UNC5D: variants seen among roughly 807,000 people sequenced by gnomAD.
UNC5D encodes the protein netrin receptor UNC5D.
A neutral mutation model predicts 105.4 loss-of-function variants in UNC5D; 39 were observed. The observed-to-expected ratio is 0.37, with a 90% CI of 0.29 to 0.48. The LOEUF is 0.48. Ranked by LOEUF, UNC5D falls within the 20% of genes least tolerant of loss-of-function variation. The pLI is 0.98. For synonymous variants in UNC5D, 452 were observed against 450.4 expected, an observed-to-expected ratio of 1.00 and a Z score of -0.04; for missense variants, 991 against 1,202.4, an observed-to-expected ratio of 0.82 and a Z score of 2.60.
intron 1 of UNC5D, among the ~76,000 whole-genome samples, chr8:35,278,955 A>G (rs1040564283): frequency 2.6e-5 from 4 of 152,182 alleles, no homozygotes; most frequent in Non-Finnish European, 5.9e-5. Context: ...AGTTTTGTTT[A>G]GTATGGTGGG....
chr8:35,470,016 G>A (rs902740962), intron 1 of UNC5D, among the ~76,000 whole-genome samples: 4 of 152,084 alleles, frequency 2.6e-5, no homozygotes, highest in African/African-American at 9.7e-5. Context: ...ACATAGTGCT[G>A]GACAAATCAC....
chr8:35,400,609 G>C (rs1286476724), intron 1 of UNC5D, among the ~76,000 whole-genome samples: 1 of 152,040 alleles, frequency 6.6e-6, no homozygotes, highest in Non-Finnish European at 1.5e-5. Context: ...CGGTCATTAG[G>C]GTAACAAATA....
chr8:35,708,350 A>T (rs530213622), intron 8 of UNC5D, among the ~76,000 whole-genome samples: 1 of 152,368 alleles, frequency 6.6e-6, no homozygotes, highest in South Asian at 2.1e-4. Flanking sequence ...TGTAAATGAG[A>T]TAATTTAATC....
At chr8:35,288,415 C>A (rs1806780906) in intron 1 of UNC5D, among the ~76,000 whole-genome samples, 1 of 151,354 alleles carries the variant, frequency 6.6e-6, no homozygotes, top group Non-Finnish European at 1.5e-5. Context: ...AACAGACAAA[C>A]AAAAGCTAAG....
At chr8:35,274,516 G>T (rs1453945012) in intron 1 of UNC5D, among the ~76,000 whole-genome samples, 1 of 152,156 alleles carries the variant, frequency 6.6e-6, no homozygotes, top group Non-Finnish European at 1.5e-5. Context: ...CATGTGTCCA[G>T]CCTAGAAGAC....
At chr8:35,521,874 T>C (rs139627978) in intron 1 of UNC5D, among the ~76,000 whole-genome samples, 28 of 152,346 alleles carry the variant, frequency 1.8e-4, no homozygotes, top group Admixed American at 4.6e-4. Flanking sequence ...TTAGCTAAAT[T>C]GGTTCTCATC....
At chr8:35,351,006 A>G (rs1812197324) in intron 1 of UNC5D, among the ~76,000 whole-genome samples, 1 of 152,132 alleles carries the variant, frequency 6.6e-6, no homozygotes, top group Admixed American at 6.6e-5. Context: ...TTGAGACTGC[A>G]TGTCATTCTA....
At chr8:35,470,307 C>G (rs193272200) in intron 1 of UNC5D, among the ~76,000 whole-genome samples, 12 of 152,018 alleles carry the variant, frequency 7.9e-5, no homozygotes, top group African/African-American at 2.4e-4. Flanking sequence ...AACATAAAAT[C>G]TTAGGTAATT....
intron 1 of UNC5D, among the ~76,000 whole-genome samples, chr8:35,417,993 T>C (rs1401975028): frequency 6.6e-6 from 1 of 152,188 alleles, no homozygotes; most frequent in Non-Finnish European, 1.5e-5. Flanking sequence ...TGAACAGTGC[T>C]TAGGTGAGCT....
At chr8:35,526,108 G>T (rs983018410) in intron 1 of UNC5D, among the ~76,000 whole-genome samples, 1 of 152,190 alleles carries the variant, frequency 6.6e-6, no homozygotes, top group Non-Finnish European at 1.5e-5. Context: ...GTAGTTTTAC[G>T]TTTAAGTCTA....
chr8:35,423,376 A>G (rs943474193), intron 1 of UNC5D, among the ~76,000 whole-genome samples: 2 of 152,122 alleles, frequency 1.3e-5, no homozygotes, highest in Non-Finnish European at 2.9e-5. Context: ...CCTCTCTGAA[A>G]TGTCCTCCTC....
intron 15 of UNC5D, among the ~76,000 whole-genome samples, chr8:35,769,658 T>G (rs1801922650): frequency 6.6e-6 from 1 of 152,100 alleles, no homozygotes; most frequent in Admixed American, 6.5e-5. Context: ...TGGTGATACA[T>G]ATAATGCATA....
intron 1 of UNC5D, among the ~76,000 whole-genome samples, chr8:35,284,841 C>A (rs7830166): frequency 0.82 from 124,655 of 152,070 alleles, 51,561 homozygotes; most frequent in East Asian, 1. Context: ...GGATTATAGG[C>A]GTGAGCCACT....
At chr8:35,485,960 CT>C (rs1168314667) in intron 1 of UNC5D, among the ~76,000 whole-genome samples, 1 of 152,168 alleles carries the variant, frequency 6.6e-6, no homozygotes, top group Non-Finnish European at 1.5e-5. Flanking sequence ...CAGATCACAC[CT>C]TTGCTTTTCT....
intron 1 of UNC5D, among the ~76,000 whole-genome samples, chr8:35,467,665 G>A (rs935124919): frequency 2.0e-5 from 3 of 151,642 alleles, no homozygotes; most frequent in Non-Finnish European, 2.9e-5. Flanking sequence ...TTCAGATAGT[G>A]AAGGGAGAAG....
At chr8:35,263,090 A>G (rs1804598810) in intron 1 of UNC5D, among the ~76,000 whole-genome samples, 4 of 152,172 alleles carry the variant, frequency 2.6e-5, no homozygotes, top group South Asian at 4.1e-4. Context: ...TGAACTTTTC[A>G]TAGCTCTGCA....
At chr8:35,720,874 G>A (rs1158638993) in intron 8 of UNC5D, among the ~76,000 whole-genome samples, 1 of 151,256 alleles carries the variant, frequency 6.6e-6, no homozygotes, top group African/African-American at 2.4e-5. Context: ...TCTCCCTTGA[G>A]AATTATTTTT....
At chr8:35,741,719 G>T (rs953048720) in intron 11 of UNC5D, among the ~76,000 whole-genome samples, 1 of 152,108 alleles carries the variant, frequency 6.6e-6, no homozygotes, top group Admixed American at 6.5e-5. Context: ...CTTCAGAATG[G>T]ACTGTCCTAT....
chr8:35,286,692 C>G (rs1396253165), intron 1 of UNC5D, among the ~76,000 whole-genome samples: 1 of 152,116 alleles, frequency 6.6e-6, no homozygotes, highest in Admixed American at 6.6e-5. Context: ...TCAGTGATTA[C>G]CCATGGAAAG....
Sources: allele counts gnomAD v4.1 joint callset (sites outside exome capture counted in the v4.1 genomes callset), GRCh38; gene constraint gnomAD v4.1.1; transcripts MANE v1.5; gene names NCBI Gene and HGNC (gene_info 2026-07-23, HGNC 2026-07-21).